Variants in MORC1 observed in about 807,000 individuals in gnomAD.
MORC1 encodes the protein MORC family CW-type zinc finger protein 1.
Under a neutral mutation model 134.9 loss-of-function variants are expected in MORC1, and 59 were observed. That is an observed-to-expected ratio of 0.44 (90% CI 0.35 to 0.54). The LOEUF is 0.54. Ranked by LOEUF, MORC1 falls within the 20% of genes least tolerant of loss-of-function variation. MORC1 has a pLI of 0.00. For synonymous variants in MORC1, 395 were observed against 391.7 expected, an observed-to-expected ratio of 1.01 and a Z score of -0.10; for missense variants, 947 against 1,134.5, an observed-to-expected ratio of 0.83 and a Z score of 2.37.
At position 109,003,391 on chromosome 3, in the gene MORC1, GCACACACACACA is replaced by G. The variant is rs3054383; in HGVS notation, c.2085+1414_2085+1425del. On this transcript the variant is annotated intron_variant, in intron 20 of 27. Coordinates refer to ENST00000232603, the MANE Select transcript of MORC1 (RefSeq NM_014429.4). ...ATAGCTTTACATATTATATGTGTAT[GCACACACACACA>G]CACACACACACACACACACACACAC... Among the ~76,000 whole-genome samples, 47 of 146,754 alleles carry G rather than the reference GCACACACACACA, an allele frequency of 3.2e-4. 1 individual carries two copies. Among genetic ancestry groups the G allele is most frequent in the South Asian group, 6.7e-4 (3 of 4,502 alleles).
At chr3:109,027,245 C>CA (rs1949098775) in intron 17 of MORC1, among the ~76,000 whole-genome samples, 1 of 152,138 alleles carries the variant, frequency 6.6e-6, no homozygotes, top group South Asian at 2.1e-4. Flanking sequence ...TCGAAATTGT[C>CA]ATGGTTACCT....
At chr3:108,996,277 C>CACGT (rs1948212184) in intron 21 of MORC1, among the ~76,000 whole-genome samples, 2 of 127,570 alleles carry the variant, frequency 1.6e-5, no homozygotes, top group South Asian at 2.4e-4. Context: ...CGCGTGCGTG[C>CACGT]GCGCGCGCGC....
At chr3:109,003,529 T>C (rs1327579660) in intron 20 of MORC1, among the ~76,000 whole-genome samples, 1 of 152,014 alleles carries the variant, frequency 6.6e-6, no homozygotes, top group Non-Finnish European at 1.5e-5. Context: ...TTTTAGAGCA[T>C]GCAACATATC....
At chr3:109,020,032 G>C (rs1434008280) in intron 17 of MORC1, among the ~76,000 whole-genome samples, 1 of 152,186 alleles carries the variant, frequency 6.6e-6, no homozygotes, top group Non-Finnish European at 1.5e-5. Context: ...TGTAGCTTAA[G>C]TGGCAACATC....
At chr3:108,966,719 A>C (rs1329332780) in intron 26 of MORC1, among the ~76,000 whole-genome samples, 2 of 152,184 alleles carry the variant, frequency 1.3e-5, no homozygotes, top group Non-Finnish European at 2.9e-5. Flanking sequence ...ATATTGACCA[A>C]GCTCAATGGG....
chr3:108,980,596 T>A (rs776919887), intron 23 of MORC1, among the ~76,000 whole-genome samples: 14 of 152,152 alleles, frequency 9.2e-5, no homozygotes, highest in South Asian at 4.1e-4. Context: ...GAATAAAAAG[T>A]CACTTTCTTT....
intron 8 of MORC1, among the ~76,000 whole-genome samples, chr3:109,092,500 G>C (rs1248050534): frequency 6.6e-6 from 1 of 151,938 alleles, no homozygotes; most frequent in Non-Finnish European, 1.5e-5. Context: ...TGTGGCTATT[G>C]GGCATTAGTC....
chr3:109,108,886 C>T (rs1477153398), intron 3 of MORC1, among the ~76,000 whole-genome samples: 1 of 133,408 alleles, frequency 7.5e-6, no homozygotes, highest in African/African-American at 2.8e-5. Context: ...GGCGACAGAG[C>T]GAGACTCCGT....
intron 16 of MORC1, among the ~76,000 whole-genome samples, chr3:109,032,172 T>G (rs1489379754): frequency 6.6e-6 from 1 of 152,160 alleles, no homozygotes; most frequent in East Asian, 1.9e-4. Context: ...AGGGGTGCTT[T>G]TGTTAAAGGG....
At chr3:109,104,601 G>A (rs1396935593) in intron 3 of MORC1, among the ~76,000 whole-genome samples, 1 of 152,088 alleles carries the variant, frequency 6.6e-6, no homozygotes, top group Non-Finnish European at 1.5e-5. Flanking sequence ...TAAGGCAAGA[G>A]GATCACTTGA....
intron 8 of MORC1, among the ~76,000 whole-genome samples, chr3:109,090,646 G>A (rs6789630): frequency 0.79 from 111,563 of 141,548 alleles, 44,799 homozygotes; most frequent in East Asian, 0.93. Flanking sequence ...AAAAAAACAC[G>A]ATGTCAAATG....
At chr3:109,115,667 A>C (rs560322833) in intron 1 of MORC1, among the ~76,000 whole-genome samples, 10 of 152,360 alleles carry the variant, frequency 6.6e-5, no homozygotes, top group Non-Finnish European at 1.5e-4. Context: ...CAACTGCAGT[A>C]ATTCTGACCA....
chr3:109,107,244 C>T (rs975578551), intron 3 of MORC1, among the ~76,000 whole-genome samples: 5 of 152,018 alleles, frequency 3.3e-5, no homozygotes, highest in African/African-American at 1.2e-4. Flanking sequence ...TTAATGACCC[C>T]TTTATCTCTG....
At chr3:108,971,085 C>T (rs1947366667) in intron 25 of MORC1, among the ~76,000 whole-genome samples, 1 of 152,112 alleles carries the variant, frequency 6.6e-6, no homozygotes, top group East Asian at 1.9e-4. Flanking sequence ...AAGTCAGGGA[C>T]TATGTCCTGT....
intron 17 of MORC1, among the ~76,000 whole-genome samples, chr3:109,009,204 G>GTTTTTTTTT (rs1207320361): frequency 1.0e-5 from 1 of 96,764 alleles, no homozygotes; most frequent in Non-Finnish European, 2.4e-5. Flanking sequence ...TACGTTTTTT[G>GTTTTTTTTT]TTGTTTTTTT....
At chr3:108,990,898 TTCTCTCTCTC>T (rs34333221) in intron 21 of MORC1, among the ~76,000 whole-genome samples, 19 of 145,752 alleles carry the variant, frequency 1.3e-4, no homozygotes, top group East Asian at 6.1e-4. Context: ...GTTTCTCTCT[TTCTCTCTCTC>T]TCTCTCTCTC....
chr3:109,117,754 A>G (rs2107817265), intron 1 of MORC1, among the ~76,000 whole-genome samples: 1 of 152,344 alleles, frequency 6.6e-6, no homozygotes, highest in East Asian at 1.9e-4. Context: ...GTGTTAAATG[A>G]TAAATGTAGG....
intron 15 of MORC1, 93 bp from the exon 16 acceptor site, chr3:109,032,918 T>C (rs1000178427): frequency 6.6e-5 from 54 of 822,888 alleles, no homozygotes; most frequent in Admixed American, 4.2e-4. Context: ...GTATGAGGTA[T>C]CTCTCAATCC....
At chr3:108,974,775 T>C (rs1349041438) in intron 24 of MORC1, among the ~76,000 whole-genome samples, 2 of 152,222 alleles carry the variant, frequency 1.3e-5, no homozygotes, top group African/African-American at 4.8e-5. Flanking sequence ...GTCTTTCTTC[T>C]CAAGAATTCA....
Sources: gnomAD v4.1 joint callset for allele counts (sites outside exome capture counted in the v4.1 genomes callset) on GRCh38, gnomAD v4.1.1 for gene constraint, MANE v1.5 for transcripts, NCBI Gene and HGNC (gene_info 2026-07-23, HGNC 2026-07-21) for gene names.